Variants in PRMT9 observed in about 807,000 individuals in gnomAD.
The protein encoded by PRMT9 is protein arginine N-methyltransferase 9.
PRMT9 carries 59 observed loss-of-function variants against 83.2 expected under a neutral mutation model. The ratio of observed to expected loss-of-function variants is 0.71; its 90% CI spans 0.57 to 0.88. The LOEUF is 0.88. Among genes scored for constraint, PRMT9 ranks in the 40% least tolerant of loss-of-function variants. The pLI, the probability that PRMT9 is intolerant of heterozygous loss-of-function variation, is 0.00. For missense variants in PRMT9, 947 were observed against 1,021.9 expected (o/e 0.93, Z 1.00); for synonymous variants, 333 against 353.2 (o/e 0.94, Z 0.64).
chr4:147,650,569 T>C (rs1734026217), intron 9 of PRMT9, among the ~76,000 whole-genome samples: 1 of 152,230 alleles, frequency 6.6e-6, no homozygotes, highest in Admixed American at 6.5e-5. Context: ...ACTGTGTTCA[T>C]GGATGGGAAC....
chr4:147,681,127 G>C (rs1736443888), intron 1 of PRMT9, among the ~76,000 whole-genome samples: 1 of 152,198 alleles, frequency 6.6e-6, no homozygotes, highest in Non-Finnish European at 1.5e-5. Context: ...CAGGCTATAA[G>C]ATTAAGACAC....
At chr4:147,664,345 T>G (rs1321937447) in intron 6 of PRMT9, among the ~76,000 whole-genome samples, 1 of 152,210 alleles carries the variant, frequency 6.6e-6, no homozygotes, top group Non-Finnish European at 1.5e-5. Context: ...GGTCATAGTT[T>G]CAATTTAGCT....
chr4:147,639,495 A>G (rs533210397), intron 10 of PRMT9, among the ~76,000 whole-genome samples: 1 of 152,318 alleles, frequency 6.6e-6, no homozygotes, highest in South Asian at 2.1e-4. Context: ...TCAATCAAAC[A>G]ATAGTTGATT....
In PRMT9 at chr4:147,670,746, A is replaced by G; in HGVS notation, c.744-3T>C. On this transcript the variant is annotated splice_polypyrimidine_tract_variant and splice_region_variant and intron_variant, in intron 4 of 11. Coordinates refer to ENST00000322396, the MANE Select transcript of PRMT9 (RefSeq NM_138364.4). ...TTTCTGTTACAACTAGGGACACTCT[A>G]TAGAATGATTTTTTAAAGATATATG... is the stretch of plus-strand genomic sequence containing the variant. 2 of 1,581,044 alleles carry G rather than the reference A, an allele frequency of 1.3e-6. No homozygotes were observed. Among genetic ancestry groups the G allele is most frequent in the Non-Finnish European group, 1.7e-6 (2 of 1,150,558 alleles).
rs758481084 is a variant in PRMT9, at chr4:147,657,968, T to C, written c.1154A>G (p.Lys385Arg). ...TVDFNNLQELKSLATKKPDKI... is the reference protein window; with the variant it reads ...TVDFNNLQELRSLATKKPDKI... The stretch of plus-strand genomic sequence containing the variant: ...ATCAGGCTTTTTAGTTGCAAGACTT[T>C]TTAATTCCTGAGAAAAATGTAGAAG... Residue 385 changes from lysine (K) to arginine (R), a missense_variant, in exon 8 of 12, where the codon AAA (lysine) becomes AGA (arginine). Physicochemically the swap from Lys to Arg is conservative, Grantham distance 26. Coordinates refer to ENST00000322396, the MANE Select transcript of PRMT9 (RefSeq NM_138364.4). The C allele has an allele frequency of 6.3e-7, 1 of 1,597,118 alleles. No homozygotes were observed. Among genetic ancestry groups the C allele is most frequent in the Non-Finnish European group, 8.6e-7 (1 of 1,167,592 alleles).
intron 2 of PRMT9, among the ~76,000 whole-genome samples, chr4:147,675,147 A>T (rs1735986664): frequency 6.6e-6 from 1 of 151,996 alleles, no homozygotes; most frequent in African/African-American, 2.4e-5. Flanking sequence ...CGTCCGGCTA[A>T]TTTTGTATTT....
intron 7 of PRMT9, among the ~76,000 whole-genome samples, chr4:147,659,412 G>GA (rs1379777918): frequency 6.8e-6 from 1 of 147,836 alleles, no homozygotes; most frequent in East Asian, 2.0e-4. Context: ...AAAAAAAAAA[G>GA]AAAAAAAAGA....
intron 2 of PRMT9, 22 bp downstream of exon 2, chr4:147,680,297 CAAGT>C: frequency 3.1e-6 from 5 of 1,607,154 alleles, no homozygotes; most frequent in Non-Finnish European, 4.3e-6. Context: ...TAATTCTTAA[CAAGT>C]AATACTAAAA....
intron 2 of PRMT9, among the ~76,000 whole-genome samples, chr4:147,674,703 C>T (rs564568590): frequency 1.3e-5 from 2 of 152,304 alleles, no homozygotes; most frequent in African/African-American, 4.8e-5. Flanking sequence ...ATGGAGCTCA[C>T]GTAATATCAG....
chr4:147,642,953 G>A lies in PRMT9; in HGVS notation c.2046-13C>T. 1 of 1,613,006 alleles carries A rather than the reference G, an allele frequency of 6.2e-7. No homozygotes were observed. Among genetic ancestry groups the A allele is most frequent in the Admixed American group, 1.7e-5 (1 of 60,006 alleles). On this transcript the variant is annotated splice_polypyrimidine_tract_variant and intron_variant, in intron 9 of 11. Transcript: ENST00000322396. ...TTGTAGTAAACACCTAAGAAAAAAA[G>A]TACATATTTTAAAAAGCTCTTGGGG...
At chr4:147,656,419 A>G (rs1458371867) in intron 8 of PRMT9, among the ~76,000 whole-genome samples, 1 of 151,990 alleles carries the variant, frequency 6.6e-6, no homozygotes, top group Admixed American at 6.6e-5. Flanking sequence ...CAGTGCCCCA[A>G]GTAGCTGGGA....
intron 10 of PRMT9, among the ~76,000 whole-genome samples, chr4:147,640,101 C>A (rs1733296967): frequency 1.1e-5 from 1 of 91,406 alleles, no homozygotes; most frequent in African/African-American, 3.9e-5. Context: ...AATATAGGGT[C>A]TCACTCTGTT....
At position 147,683,991 on chromosome 4, in the gene PRMT9, A is replaced by T; in HGVS notation, c.-4T>A. 6.2e-7 allele frequency: 1 copy of T among 1,612,624 alleles called. No individual in the cohort carries two copies. The highest frequency in any genetic ancestry group is 8.5e-7 in the Non-Finnish European group (1 of 1,179,590). On this transcript the variant is annotated 5_prime_UTR_variant, in exon 1 of 12. Transcript: ENST00000322396. Reference sequence around the variant, plus strand: ...ACCTGGGCCGCGAGTTCGACATGGCAGTCACCACTTGTATGGCCAAAGGGA... The same window carrying T: ...ACCTGGGCCGCGAGTTCGACATGGCTGTCACCACTTGTATGGCCAAAGGGA...
At position 147,638,645 on chromosome 4, in the gene PRMT9, A is replaced by T; in HGVS notation, c.2425T>A (p.Trp809Arg). ...RLDTSSEASH[W>R]KQAAVVLDNP... The stretch of plus-strand genomic sequence containing the variant: ...TCTAAAACAACTGCAGCTTGTTTCC[A>T]GTGGGAGGCTTCACTTGAAGTATCC... Residue 809 changes from tryptophan to arginine, a missense_variant, in exon 12 of 12, where the codon TGG becomes AGG. Physicochemically the swap from Trp to Arg is moderately radical, Grantham distance 101 (BLOSUM62 -3). Transcript: ENST00000322396. 1 of 1,613,586 alleles carries T rather than the reference A, an allele frequency of 6.2e-7. No homozygotes were observed. The highest frequency in any genetic ancestry group is 8.5e-7 in the Non-Finnish European group (1 of 1,179,532).
In PRMT9 at chr4:147,653,915, A is replaced by G; in HGVS notation, c.1982T>C (p.Leu661Ser). 1 of 1,614,138 alleles carries G rather than the reference A, an allele frequency of 6.2e-7. No individual in the cohort carries two copies. The highest frequency in any genetic ancestry group is 8.5e-7 in the Non-Finnish European group (1 of 1,180,016). ...KSDKLWSIIILDVIEPSGLIQ... is the reference protein window; with the variant it reads ...KSDKLWSIIISDVIEPSGLIQ... ...GAGCCCAGATGGCTCAATGACATCC[A>G]ATATAATTATGCTCCATAACTTGTC... The change falls in exon 9 of 12, where the codon TTG becomes TCG. Residue 661 changes from leucine (L) to serine (S), a missense_variant. Coordinates refer to ENST00000322396, the MANE Select transcript of PRMT9 (RefSeq NM_138364.4).
At chr4:147,654,981 G>A (rs1734382801) in intron 8 of PRMT9, among the ~76,000 whole-genome samples, 1 of 152,124 alleles carries the variant, frequency 6.6e-6, no homozygotes, top group Non-Finnish European at 1.5e-5. Context: ...TTAGCTTAAA[G>A]GGACATTCTT....
intron 5 of PRMT9, among the ~76,000 whole-genome samples, chr4:147,668,939 A>T (rs1479594508): frequency 6.6e-6 from 1 of 152,176 alleles, no homozygotes; most frequent in African/African-American, 2.4e-5. Context: ...ATAAAAAATT[A>T]GCTGGGCGTG....
At chr4:147,664,736 T>C (rs562214955) in intron 6 of PRMT9, among the ~76,000 whole-genome samples, 2 of 152,230 alleles carry the variant, frequency 1.3e-5, no homozygotes, top group East Asian at 1.9e-4. Flanking sequence ...CAAACCACCA[T>C]GGCACATGTA....
chr4:147,658,105 C>T (rs969855932), intron 7 of PRMT9, 130 bp from the exon 8 acceptor site: 26 of 657,162 alleles, frequency 4.0e-5, no homozygotes, highest in Non-Finnish European at 6.7e-5. Flanking sequence ...TATCTTGGCA[C>T]ACCTATAACC....
Sources: gnomAD v4.1 joint callset for allele counts (sites outside exome capture counted in the v4.1 genomes callset) on GRCh38, gnomAD v4.1.1 for gene constraint, MANE v1.5 for transcripts, NCBI Gene and HGNC (gene_info 2026-07-23, HGNC 2026-07-21) for gene names.